The following ADK variants were observed in gnomAD, a reference collection of about 807,000 sequenced individuals.
ADK encodes N6,N6-dimethyladenosine kinase.
A neutral mutation model predicts 44.7 loss-of-function variants in ADK; 24 were observed. The ratio of observed to expected loss-of-function variants is 0.54; its 90% CI spans 0.39 to 0.76. The LOEUF is 0.76. ADK is among the 30% of genes least tolerant of loss of function. The pLI, the probability that ADK is intolerant of heterozygous loss-of-function variation, is 0.00. For missense variants in ADK, 321 were observed against 425.1 expected (o/e 0.76, Z 2.15); for synonymous variants, 128 against 142.6 (o/e 0.90, Z 0.73).
intron 4 of ADK, among the ~76,000 whole-genome samples, chr10:74,318,663 A>C (rs1840709998): frequency 6.6e-6 from 1 of 152,244 alleles, no homozygotes; most frequent in Non-Finnish European, 1.5e-5. Context: ...AGTTAGGATG[A>C]TAGCCAATGT....
At chr10:74,598,251 G>A (rs1564811923) in intron 8 of ADK, among the ~76,000 whole-genome samples, 1 of 152,064 alleles carries the variant, frequency 6.6e-6, no homozygotes, top group Non-Finnish European at 1.5e-5. Flanking sequence ...TGTAGAAGGA[G>A]AAATAAAGTT....
At chr10:74,304,803 A>G (rs1233353865) in intron 3 of ADK, among the ~76,000 whole-genome samples, 2 of 151,548 alleles carry the variant, frequency 1.3e-5, no homozygotes, top group Non-Finnish European at 2.9e-5. Flanking sequence ...TCATTCATCA[A>G]TTTTTTTTTC....
intron 6 of ADK, among the ~76,000 whole-genome samples, chr10:74,431,404 G>A (rs185300948): frequency 6.6e-6 from 1 of 152,280 alleles, no homozygotes; most frequent in African/African-American, 2.4e-5. Flanking sequence ...ATGTAATGGC[G>A]ACTGCAGAAT....
intron 7 of ADK, among the ~76,000 whole-genome samples, chr10:74,535,588 T>C: frequency 6.6e-6 from 1 of 150,936 alleles, no homozygotes; most frequent in East Asian, 1.9e-4. Context: ...CTATTTTTTT[T>C]TTTTTTTTTT....
At chr10:74,226,912 C>T (rs896989879) in intron 3 of ADK, among the ~76,000 whole-genome samples, 2 of 152,008 alleles carry the variant, frequency 1.3e-5, no homozygotes, top group African/African-American at 4.8e-5. Flanking sequence ...AGTTTTTGAC[C>T]TACATACCAA....
At chr10:74,361,008 A>G (rs1056939818) in intron 4 of ADK, among the ~76,000 whole-genome samples, 29 of 152,076 alleles carry the variant, frequency 1.9e-4, no homozygotes, top group African/African-American at 6.8e-4. Flanking sequence ...CCCTGGTTCA[A>G]GCGATTCTTC....
At chr10:74,549,358 G>T (rs1409408628) in intron 7 of ADK, among the ~76,000 whole-genome samples, 7 of 152,002 alleles carry the variant, frequency 4.6e-5, no homozygotes, top group Non-Finnish European at 7.4e-5. Flanking sequence ...ACACTCTTTG[G>T]ACTATTACAC....
chr10:74,191,423 G>C (rs768439368), intron 1 of ADK, among the ~76,000 whole-genome samples: 1 of 150,544 alleles, frequency 6.6e-6, no homozygotes, highest in African/African-American at 2.4e-5. Flanking sequence ...ATAAAGACAG[G>C]GTCTCACTAT....
chr10:74,641,419 CT>C (rs1203897909), intron 9 of ADK: 1 of 152,110 alleles, frequency 6.6e-6, no homozygotes, highest in Non-Finnish European at 1.5e-5. Flanking sequence ...AGCTGCCATG[CT>C]TTGCAGGTTT....
At chr10:74,386,185 C>T (rs1370829007) in intron 4 of ADK, among the ~76,000 whole-genome samples, 1 of 152,066 alleles carries the variant, frequency 6.6e-6, no homozygotes, top group African/African-American at 2.4e-5. Context: ...CTGCTTGTTG[C>T]TGTTTCTCAG....
chr10:74,276,099 G>T (rs762491206), intron 3 of ADK, among the ~76,000 whole-genome samples: 8 of 152,164 alleles, frequency 5.3e-5, no homozygotes, highest in Non-Finnish European at 1.0e-4. Flanking sequence ...CCCAAAGTGA[G>T]CATAGGATGT....
intron 6 of ADK, among the ~76,000 whole-genome samples, chr10:74,448,647 C>CA (rs1387303065): frequency 2.0e-5 from 3 of 152,076 alleles, no homozygotes; most frequent in Admixed American, 6.5e-5. Flanking sequence ...TCTGGCTACA[C>CA]AAAAAACTAA....
chr10:74,648,576 G>T (rs1854137157), intron 9 of ADK, among the ~76,000 whole-genome samples: 1 of 151,986 alleles, frequency 6.6e-6, no homozygotes, highest in Admixed American at 6.5e-5. Context: ...TACTCGGGAG[G>T]CTGAGGCAGG....
At chr10:74,601,835 G>C (rs1283159521) in intron 9 of ADK, among the ~76,000 whole-genome samples, 1 of 151,068 alleles carries the variant, frequency 6.6e-6, no homozygotes, top group African/African-American at 2.4e-5. Flanking sequence ...GCTCACACCT[G>C]TAACCCTAGC....
chr10:74,247,225 T>G (rs1419343466), intron 3 of ADK, among the ~76,000 whole-genome samples: 8 of 14,468 alleles, frequency 5.5e-4, no homozygotes, highest in Non-Finnish European at 8.3e-4. Context: ...TTTTTTTAAG[T>G]TTTTTTTTTT....
At chr10:74,479,394 G>GT (rs1846981947) in intron 6 of ADK, among the ~76,000 whole-genome samples, 1 of 142,850 alleles carries the variant, frequency 7.0e-6, no homozygotes, top group African/African-American at 2.6e-5. Flanking sequence ...GTTTTTTGTT[G>GT]GTTTTTTTTT....
chr10:74,538,497 T>G (rs1849528719), intron 7 of ADK, among the ~76,000 whole-genome samples: 1 of 152,246 alleles, frequency 6.6e-6, no homozygotes, highest in South Asian at 2.1e-4. Context: ...AGCAAAATTC[T>G]GCAGTTTGTT....
chr10:74,424,998 C>CTGTCTGT (rs1324030822), intron 6 of ADK, among the ~76,000 whole-genome samples: 2 of 152,084 alleles, frequency 1.3e-5, no homozygotes, highest in Non-Finnish European at 2.9e-5. Context: ...TCTGATTTTG[C>CTGTCTGT]TGTCTGTTGT....
intron 3 of ADK, among the ~76,000 whole-genome samples, chr10:74,282,824 A>G (rs1846996200): frequency 6.6e-6 from 1 of 152,210 alleles, no homozygotes; most frequent in African/African-American, 2.4e-5. Flanking sequence ...GTGTAAAATC[A>G]TATTTTTCTT....
Sources: allele counts gnomAD v4.1 joint callset (sites outside exome capture counted in the v4.1 genomes callset), GRCh38; gene constraint gnomAD v4.1.1; transcripts MANE v1.5; gene names NCBI Gene and HGNC (gene_info 2026-07-23, HGNC 2026-07-21).